PHIP: variants seen among roughly 807,000 people sequenced by gnomAD.
PHIP encodes PH-interacting protein.
A neutral mutation model predicts 236.8 loss-of-function variants in PHIP; 54 were observed. That is an observed-to-expected ratio of 0.23 (90% CI 0.18 to 0.29). PHIP has a LOEUF of 0.29. Ranked by LOEUF, PHIP falls within the 10% of genes least tolerant of loss-of-function variation. The pLI is 1.00. For missense variants in PHIP, 1,370 were observed against 2,190.8 expected, an observed-to-expected ratio of 0.63 and a Z score of 7.48; for synonymous variants, 756 against 718.9, an observed-to-expected ratio of 1.05 and a Z score of -0.83.
chr6:78,975,412 A>G (rs1407590640), intron 24 of PHIP, among the ~76,000 whole-genome samples: 2 of 152,214 alleles, frequency 1.3e-5, no homozygotes, highest in African/African-American at 4.8e-5. Flanking sequence ...CCCACAGCCA[A>G]TATCATACTG....
rs1562169653 is a variant in PHIP, at chr6:79,002,079, G to A, written c.1699C>T (p.Arg567Cys). 2 of 1,612,850 alleles carry A rather than the reference G, an allele frequency of 1.2e-6. No individual in the cohort carries two copies. The highest frequency in any genetic ancestry group is 1.7e-6 in the Non-Finnish European group (2 of 1,179,286). Residue 567 changes from arginine (R) to cysteine (C), a missense_variant, in exon 17 of 40, where the codon CGT becomes TGT. This residue lies in a region of PHIP where 133 missense variants were observed against 245.2 expected (regional missense o/e 0.54). Coordinates refer to ENST00000275034, the MANE Select transcript of PHIP (RefSeq NM_017934.7). Reference sequence around the variant, plus strand: ...TCTAATACAAAATTGTTGGCATCACGAATAAGTGGCCGATAATCACTATGA... The same window carrying A: ...TCTAATACAAAATTGTTGGCATCACAAATAAGTGGCCGATAATCACTATGA... ...FFHSDYRPLI[R>C]DANNFVLDEQ...
rs930034745 is a variant in PHIP, at chr6:79,015,069, G to C, written c.1524+13C>G. On this transcript the variant is annotated intron_variant, in intron 15 of 39. Coordinates refer to ENST00000275034, the MANE Select transcript of PHIP (RefSeq NM_017934.7). Reference sequence around the variant, plus strand: ...ATCTTTAGTAGGTATAAAATGAAGAGAATGATAATTACCATATTGAAATAA... The same window carrying C: ...ATCTTTAGTAGGTATAAAATGAAGACAATGATAATTACCATATTGAAATAA... 2.5e-6 allele frequency: 4 copies of C among 1,604,434 alleles called. No homozygotes were observed. Among genetic ancestry groups the C allele is most frequent in the Non-Finnish European group, 3.4e-6 (4 of 1,172,270 alleles).
In PHIP at chr6:79,019,120, T is replaced by C. The variant is rs1201166196; in HGVS notation, c.963A>G (p.Gly321=). 2 of 1,613,000 alleles carry C rather than the reference T, an allele frequency of 1.2e-6. No individual in the cohort carries two copies. The highest frequency in any genetic ancestry group is 2.2e-5 in the South Asian group (2 of 91,048). The change falls in exon 10 of 40, where the codon GGA becomes GGG. Residue 321 remains glycine (G), a synonymous_variant. Transcript: ENST00000275034. The part of the protein sequence containing the change: ...PAKFTERPRP[G]VQMICSSFSA... ...TAAAAGAAGAACAGATCATTTGAAC[T>C]CCAGGCCGAGGGCGCTCTGTAAATT... is the stretch of plus-strand genomic sequence containing the variant.
chr6:79,077,708 C>G lies in PHIP; in HGVS notation c.121G>C (p.Glu41Gln), dbSNP rs1274563819. 9.9e-7 allele frequency: 1 copy of G among 1,013,678 alleles called. No homozygotes were observed. Among genetic ancestry groups the G allele is most frequent in the Non-Finnish European group, 1.2e-6 (1 of 849,872 alleles). 62.8% of individuals were successfully genotyped at this position (1,013,678 alleles called of 1,614,324 possible). A position where few individuals can be genotyped will look rare whatever the true frequency, so the allele number is the denominator to read the frequency against. Residue 41 changes from glutamate (E) to glutamine (Q), a missense_variant, in exon 3 of 40, where the codon GAG becomes CAG. Physicochemically the swap from Glu to Gln is conservative, Grantham distance 29. Coordinates refer to ENST00000275034, the MANE Select transcript of PHIP (RefSeq NM_017934.7). The stretch of plus-strand genomic sequence containing the variant: ...GCCGCCGCCGCCCTTACCTCCTTCT[C>G]GGCCACCTCGCGGATCAGCACCTGC... ...AAQVLIREVAEKELLPRRTDW... is the reference protein window; with the variant it reads ...AAQVLIREVAQKELLPRRTDW...
chr6:79,037,341 C>T (rs1470856354), intron 7 of PHIP, among the ~76,000 whole-genome samples: 1 of 152,164 alleles, frequency 6.6e-6, no homozygotes, highest in African/African-American at 2.4e-5. Context: ...TTATCTTTTA[C>T]AGTAATCCCA....
At position 78,954,141 on chromosome 6, in the gene PHIP, G is replaced by A. The variant is rs373040721; in HGVS notation, c.4053+673C>T. Among the ~76,000 whole-genome samples the A allele has an allele frequency of 2.3e-4, 35 of 152,028 alleles. 1 individual carries two copies. The highest frequency in any genetic ancestry group is 5.9e-4 in the Admixed American group (9 of 15,276). Reference sequence around the variant, plus strand: ...TTGAGACTCAGTCTCTTGCTCTGTCGCCCAGGCTGGAGTACGGCAGTGGGA... The same window carrying A: ...TTGAGACTCAGTCTCTTGCTCTGTCACCCAGGCTGGAGTACGGCAGTGGGA... On this transcript the variant is annotated intron_variant, in intron 35 of 39. Coordinates refer to ENST00000275034, the MANE Select transcript of PHIP (RefSeq NM_017934.7).
At chr6:79,021,175 C>T (rs1284442719) in intron 9 of PHIP, among the ~76,000 whole-genome samples, 1 of 152,146 alleles carries the variant, frequency 6.6e-6, no homozygotes, top group Non-Finnish European at 1.5e-5. Context: ...GAGACAGAGG[C>T]TCACTCTGTC....
chr6:78,950,452 T>C (rs1023221971), intron 35 of PHIP, among the ~76,000 whole-genome samples: 5 of 152,236 alleles, frequency 3.3e-5, no homozygotes, highest in African/African-American at 1.2e-4. Flanking sequence ...GGTTGAATTC[T>C]CCAGTGAAGC....
At chr6:78,962,387 C>T (rs1393734534) in intron 30 of PHIP, among the ~76,000 whole-genome samples, 1 of 152,070 alleles carries the variant, frequency 6.6e-6, no homozygotes, top group Admixed American at 6.5e-5. Flanking sequence ...ACTTAATATC[C>T]TAAAATATTG....
chr6:78,945,201 G>A (rs1773735252), intron 39 of PHIP, 99 bp downstream of exon 39: 2 of 877,310 alleles, frequency 2.3e-6, no homozygotes, highest in East Asian at 2.5e-5. Flanking sequence ...TGACTTTTAA[G>A]TGGGCAACCT....
At chr6:78,956,944 T>C (rs1357426120) in intron 32 of PHIP, 5 of 152,206 alleles carry the variant, frequency 3.3e-5, no homozygotes, top group East Asian at 1.9e-4. Context: ...TATGTATCAA[T>C]TGCTTGAAAT....
At chr6:78,958,286 C>G in intron 32 of PHIP, 189 bp downstream of exon 32, 2 of 424,288 alleles carry the variant, frequency 4.7e-6, no homozygotes, top group Non-Finnish European at 8.4e-6. Context: ...AGCCAATGAA[C>G]TGTTTCTTCT....
chr6:79,054,006 CT>C (rs921550520), intron 6 of PHIP, among the ~76,000 whole-genome samples: 2 of 151,238 alleles, frequency 1.3e-5, no homozygotes, highest in Non-Finnish European at 1.5e-5. Context: ...GTTTTGCCCC[CT>C]TTTTTTTGTC....
intron 15 of PHIP, 61 bp downstream of exon 15, chr6:79,015,021 T>A (rs1170765944): frequency 2.9e-6 from 4 of 1,378,716 alleles, no homozygotes; most frequent in Non-Finnish European, 4.1e-6. Flanking sequence ...ACATGCAGAG[T>A]ACCTTTGTCA....
In PHIP at chr6:79,017,593, A is replaced by G. The variant is rs1770893379; in HGVS notation, c.995-10T>C. The G allele has an allele frequency of 3.8e-6, 6 of 1,569,148 alleles. No individual in the cohort carries two copies. The highest frequency in any genetic ancestry group is 5.3e-6 in the Non-Finnish European group (6 of 1,141,084). The stretch of plus-strand genomic sequence containing the variant: ...GCCAGAAACATTCCACCTATGAAGA[A>G]TAACAGCAATTGTTAAGAAGTAAAA... On this transcript the variant is annotated splice_polypyrimidine_tract_variant and intron_variant, in intron 10 of 39. Transcript: ENST00000275034.
intron 27 of PHIP, among the ~76,000 whole-genome samples, chr6:78,966,502 AAAC>A (rs1326598889): frequency 6.6e-6 from 1 of 152,166 alleles, no homozygotes; most frequent in Non-Finnish European, 1.5e-5. Flanking sequence ...TAAAAACAAC[AAAC>A]AACATAAAAT....
chr6:79,010,168 A>G (rs375615425), intron 15 of PHIP, among the ~76,000 whole-genome samples: 5 of 151,814 alleles, frequency 3.3e-5, no homozygotes, highest in African/African-American at 1.2e-4. Context: ...GATTAATAAG[A>G]GATAACACAA....
intron 39 of PHIP, among the ~76,000 whole-genome samples, chr6:78,943,209 A>G (rs1248788406): frequency 6.6e-6 from 1 of 152,202 alleles, no homozygotes; most frequent in African/African-American, 2.4e-5. Flanking sequence ...ATATTCCACT[A>G]GACAACACTG....
chr6:78,991,352 CTGT>C (rs147346038), intron 19 of PHIP, among the ~76,000 whole-genome samples: 15,892 of 144,134 alleles, frequency 0.11, 869 homozygotes, highest in Middle Eastern at 0.2. Flanking sequence ...TGATAATCTT[CTGT>C]TCCATATAGA....
Sources: gnomAD v4.1 joint callset for allele counts (sites outside exome capture counted in the v4.1 genomes callset) on GRCh38, gnomAD v4.1.1 for gene constraint, gnomAD v4.1.1 regional missense constraint, MANE v1.5 for transcripts, NCBI Gene and HGNC (gene_info 2026-07-23, HGNC 2026-07-21) for gene names.